OSBPL10: variants seen among roughly 807,000 people sequenced by gnomAD.
OSBPL10 encodes the protein oxysterol binding protein like 10.
In OSBPL10, 49 loss-of-function variants were observed where a neutral mutation model predicts 81.7. The observed-to-expected ratio is 0.60, with a 90% confidence interval of 0.48 to 0.76. The LOEUF (loss-of-function observed/expected upper bound fraction) is 0.76, where lower values mean the gene tolerates loss of function less well. OSBPL10 is among the 30% of genes least tolerant of loss of function. The pLI, the probability that OSBPL10 is intolerant of heterozygous loss-of-function variation, is 0.00. For missense variants in OSBPL10, 923 were observed against 987.8 expected (o/e 0.93, Z 0.88); for synonymous variants, 419 against 383.6 (o/e 1.09, Z -1.08).
rs138158246 is a variant in OSBPL10 at position 31,753,896 on chromosome 3, C to T, written c.730-5776G>A. Among the ~76,000 whole-genome samples, 3 of 152,274 alleles carry T rather than the reference C, an allele frequency of 2.0e-5. No individual in the cohort carries two copies. The East Asian group carries it at 5.8e-4, about 29-fold the overall frequency. On this transcript the variant is annotated intron_variant, in intron 4 of 11. Coordinates refer to ENST00000396556, the MANE Select transcript of OSBPL10 (RefSeq NM_017784.5). Reference sequence around the variant, plus strand: ...GTGCCCTGTGGAGGTGGTGTTCTTCCTCACAGTGGCAAACAATAAAGTCAG... The same window carrying T: ...GTGCCCTGTGGAGGTGGTGTTCTTCTTCACAGTGGCAAACAATAAAGTCAG...
chr3:31,956,335 A>G (rs1405132654), intron 1 of OSBPL10, among the ~76,000 whole-genome samples: 1 of 152,210 alleles, frequency 6.6e-6, no homozygotes, highest in East Asian at 1.9e-4. Context: ...GGTTCTATTA[A>G]TATCAGTATG....
chr3:31,797,527 C>T (rs1257597537), intron 4 of OSBPL10, among the ~76,000 whole-genome samples: 5 of 152,230 alleles, frequency 3.3e-5, no homozygotes, highest in Non-Finnish European at 7.4e-5. Flanking sequence ...TCATGCAAAC[C>T]GTTTAACCTC....
intron 3 of OSBPL10, among the ~76,000 whole-genome samples, chr3:31,840,713 T>TAG (rs1700470926): frequency 6.6e-6 from 1 of 152,248 alleles, no homozygotes; most frequent in Admixed American, 6.5e-5. Context: ...GCCAGGACCT[T>TAG]AGAAGCTCTT....
At chr3:31,685,068 G>A (rs1276304874) in intron 7 of OSBPL10, among the ~76,000 whole-genome samples, 1 of 152,144 alleles carries the variant, frequency 6.6e-6, no homozygotes, top group African/African-American at 2.4e-5. Flanking sequence ...TCTACTGTAA[G>A]TCACTTAAAG....
At chr3:31,710,170 G>T (rs1424347126) in intron 6 of OSBPL10, among the ~76,000 whole-genome samples, 1 of 152,102 alleles carries the variant, frequency 6.6e-6, no homozygotes, top group African/African-American at 2.4e-5. Flanking sequence ...CACCTGTAAG[G>T]CTCAGCCTTC....
intron 1 of OSBPL10, among the ~76,000 whole-genome samples, chr3:31,957,680 G>T (rs542755575): frequency 6.6e-6 from 1 of 152,028 alleles, no homozygotes; most frequent in Non-Finnish European, 1.5e-5. Flanking sequence ...TTGCTCTGTC[G>T]CCCTGGCTGG....
In OSBPL10 at chr3:31,812,794, GAAAGAAAGAAAGAAAGAA is replaced by G. The variant is rs1559476438; in HGVS notation, c.729+17228_729+17245del. ...AGAAAGAAAGAAAGAAAGAAAGAAA[GAAAGAAAGAAAGAAAGAA>G]AGAAAGAGAAAGAAAGAAAGAAAGA... is the stretch of plus-strand genomic sequence containing the variant. On this transcript the variant is annotated intron_variant, in intron 4 of 11. Coordinates refer to ENST00000396556, the MANE Select transcript of OSBPL10 (RefSeq NM_017784.5). Among the ~76,000 whole-genome samples, 8 of 46,836 alleles carry G rather than the reference GAAAGAAAGAAAGAAAGAA, an allele frequency of 1.7e-4. 1 individual carries two copies. Among genetic ancestry groups the G allele is most frequent in the African/African-American group, 8.3e-4 (8 of 9,696 alleles). 30.7% of individuals were successfully genotyped at this position (46,836 alleles called of 152,430 possible).
intron 6 of OSBPL10, among the ~76,000 whole-genome samples, chr3:31,724,139 G>A (rs78348598): frequency 2.6e-5 from 4 of 152,272 alleles, no homozygotes; most frequent in Admixed American, 6.5e-5. Flanking sequence ...AAAAATGAAC[G>A]GAAAAGAGAA....
chr3:31,662,655 T>G, intron 11 of OSBPL10: 1 of 986,096 alleles, frequency 1.0e-6, no homozygotes, highest in Non-Finnish European at 1.2e-6. Flanking sequence ...GGCACTATAC[T>G]GAATAACTGT....
intron 4 of OSBPL10, among the ~76,000 whole-genome samples, chr3:31,756,152 A>G (rs1356691003): frequency 1.3e-5 from 2 of 152,220 alleles, no homozygotes; most frequent in East Asian, 1.9e-4. Flanking sequence ...CCAAAGTCAC[A>G]GCTTCACTTT....
chr3:31,862,394 C>T (rs762680690), intron 3 of OSBPL10, among the ~76,000 whole-genome samples: 7 of 152,094 alleles, frequency 4.6e-5, no homozygotes, highest in Non-Finnish European at 8.8e-5. Flanking sequence ...TAAACATATC[C>T]TGCATTAAGA....
intron 1 of OSBPL10, among the ~76,000 whole-genome samples, chr3:32,072,207 G>A (rs1380599840): frequency 9.2e-5 from 14 of 152,074 alleles, no homozygotes; most frequent in Non-Finnish European, 1.9e-4. Flanking sequence ...GTCCTCCATC[G>A]TCAAAGCCTC....
intron 4 of OSBPL10, among the ~76,000 whole-genome samples, chr3:31,799,205 T>A (rs917243337): frequency 2.0e-5 from 3 of 151,834 alleles, no homozygotes; most frequent in African/African-American, 7.3e-5. Flanking sequence ...CCTCTCTGGG[T>A]CTTATTTTCA....
chr3:31,698,548 C>T (rs1394435698), intron 7 of OSBPL10, among the ~76,000 whole-genome samples: 1 of 152,190 alleles, frequency 6.6e-6, no homozygotes, highest in South Asian at 2.1e-4. Flanking sequence ...AAAACAACAT[C>T]CTGAGCCCTC....
intron 4 of OSBPL10, among the ~76,000 whole-genome samples, chr3:31,796,383 A>T (rs1458615033): frequency 1.3e-5 from 2 of 151,310 alleles, no homozygotes; most frequent in African/African-American, 4.8e-5. Flanking sequence ...CCCCCAAAAA[A>T]GGTAATCTAG....
intron 1 of OSBPL10, among the ~76,000 whole-genome samples, chr3:31,960,726 G>A (rs1018634492): frequency 6.6e-6 from 1 of 152,122 alleles, no homozygotes; most frequent in Non-Finnish European, 1.5e-5. Flanking sequence ...ACTGTTGCAA[G>A]AGACTGTGCA....
Position 31,891,413 on chromosome 3 carries a change from G to C in OSBPL10, c.282-11583C>G, listed in dbSNP as rs531726274. Among the ~76,000 whole-genome samples, 494 of 152,220 alleles carry C rather than the reference G, an allele frequency of 3.2e-3. 1 individual carries two copies. The highest frequency in any genetic ancestry group is 0.011 in the African/African-American group (477 of 41,530). ...GGGAACCACTTGTTTTCATTTTTGT[G>C]ACCTCGGGCAAGTTCTTTATCCACT... On this transcript the variant is annotated intron_variant, in intron 1 of 11. Transcript: ENST00000396556.
intron 2 of OSBPL10, chr3:31,989,423 A>T (rs1422244096): frequency 1.9e-6 from 3 of 1,614,236 alleles, no homozygotes; most frequent in Non-Finnish European, 1.7e-6. Flanking sequence ...TTTGAGTTTC[A>T]ATGGCAAGAA....
At chr3:31,839,619 T>A (rs1335593226) in intron 3 of OSBPL10, among the ~76,000 whole-genome samples, 1 of 151,626 alleles carries the variant, frequency 6.6e-6, no homozygotes, top group African/African-American at 2.4e-5. Flanking sequence ...AGTAAAGGAG[T>A]GAGCCAGGCT....
Sources: gnomAD v4.1 joint callset for allele counts (sites outside exome capture counted in the v4.1 genomes callset) on GRCh38, gnomAD v4.1.1 for gene constraint, MANE v1.5 for transcripts, NCBI Gene and HGNC (gene_info 2026-07-23, HGNC 2026-07-21) for gene names.